Variants in ANKMY1 observed in about 807,000 individuals in gnomAD.
The protein encoded by ANKMY1 is ankyrin repeat and MYND domain-containing protein 1.
ANKMY1 carries 98 observed loss-of-function variants against 102.0 expected under a neutral mutation model. The observed-to-expected ratio is 0.96, with a 90% CI of 0.82 to 1.14. The LOEUF (loss-of-function observed/expected upper bound fraction) is 1.14. ANKMY1 is among the 50% of genes most tolerant of loss of function. ANKMY1 has a pLI of 0.00. For missense variants in ANKMY1, 1,330 were observed against 1,347.6 expected (o/e 0.99, Z 0.20); for synonymous variants, 582 against 559.9 (o/e 1.04, Z -0.56).
At chr2:240,505,936 A>G (rs1011127036) in intron 13 of ANKMY1, among the ~76,000 whole-genome samples, 1 of 152,136 alleles carries the variant, frequency 6.6e-6, no homozygotes, top group African/African-American at 2.4e-5. Context: ...AGGGAGGTTT[A>G]AAAAAAGGAG....
At chr2:240,482,384 G>T in intron 15 of ANKMY1, 123 bp from the exon 16 acceptor site, 1 of 828,918 alleles carries the variant, frequency 1.2e-6, no homozygotes. Context: ...CGGATAGGGG[G>T]AAGCAAGCCT....
rs2092164346 is a variant in ANKMY1, at chr2:240,555,194, C to T, written c.147-139G>A. On this transcript the variant is annotated intron_variant, in intron 2 of 17. Coordinates refer to ENST00000401804, the MANE Select transcript of ANKMY1 (RefSeq NM_001282771.3). ...GGGCAGGTGCCGCTGCATCCCCACT[C>T]CACTTGGAGAGAAAACCGAGGCACA... 3 of 874,830 alleles carry T rather than the reference C, an allele frequency of 3.4e-6. No homozygotes were observed. In the Admixed American group the frequency reaches 7.9e-5, roughly 23 times the overall value. 54.2% of individuals were successfully genotyped at this position (874,830 alleles called of 1,614,324 possible).
At chr2:240,555,713 G>C (rs2092268485) in intron 2 of ANKMY1, among the ~76,000 whole-genome samples, 2 of 151,986 alleles carry the variant, frequency 1.3e-5, no homozygotes, top group South Asian at 2.1e-4. Flanking sequence ...GACGGATGGG[G>C]CGTCTTAGAC....
intron 4 of ANKMY1, among the ~76,000 whole-genome samples, chr2:240,552,038 C>T (rs2091614245): frequency 6.6e-6 from 1 of 152,220 alleles, no homozygotes; most frequent in Non-Finnish European, 1.5e-5. Flanking sequence ...GTGACTGCTT[C>T]CTCACCCCTC....
chr2:240,544,895 C>T (rs373775254), intron 4 of ANKMY1, among the ~76,000 whole-genome samples: 4 of 152,240 alleles, frequency 2.6e-5, no homozygotes, highest in African/African-American at 9.6e-5. Context: ...GCACAGCAGT[C>T]TGAGATCAAA....
chr2:240,482,066 T>C lies in ANKMY1; in HGVS notation c.2885+117A>G, dbSNP rs902083144. The C allele has an allele frequency of 3.4e-6, 4 of 1,173,234 alleles. No individual in the cohort carries two copies. In the African/African-American group the frequency reaches 6.3e-5, roughly 18 times the overall value. The allele number at this position is 1,173,234 out of a possible 1,614,324, so 72.7% of individuals were successfully genotyped here. ...ACTTCCTAGAGGAGGCCATGCCACTTGGGGGTCAGATGGCATGGAGGCTGT... is the reference window on the plus strand; with the variant it reads ...ACTTCCTAGAGGAGGCCATGCCACTCGGGGGTCAGATGGCATGGAGGCTGT... On this transcript the variant is annotated intron_variant, in intron 16 of 17. Transcript: ENST00000401804.
chr2:240,474,448 A>C (rs1268778231), downstream of ANKMY1, among the ~76,000 whole-genome samples: 2 of 151,932 alleles, frequency 1.3e-5, no homozygotes, highest in Non-Finnish European at 2.9e-5. Context: ...TCAGGGGTAC[A>C]TGTGCAAGTT....
At chr2:240,545,264 G>C (rs1233246953) in intron 4 of ANKMY1, among the ~76,000 whole-genome samples, 7 of 152,162 alleles carry the variant, frequency 4.6e-5, no homozygotes, top group Admixed American at 1.3e-4. Context: ...ACACCTCACA[G>C]GGCCGGGTAC....
Position 240,537,990 on chromosome 2 carries a change from C to T in ANKMY1, c.481-8481G>A, listed in dbSNP as rs151002643. Among the ~76,000 whole-genome samples the T allele has an allele frequency of 7.7e-3, 1,177 of 152,352 alleles. 10 individuals are homozygous for T. The highest frequency in any genetic ancestry group is 0.026 in the African/African-American group (1,062 of 41,580). On this transcript the variant is annotated intron_variant, in intron 4 of 17. Transcript: ENST00000401804. ...TACATTGTCTTCCACCACGTGGCTG[C>T]GCTGGAGTCTCTCTGAATCTGCTGT...
Position 240,520,062 on chromosome 2 carries a change from C to T in ANKMY1, c.2004+300G>A. The T allele has an allele frequency of 3.4e-6, 2 of 589,040 alleles. No homozygotes were observed. The highest frequency in any genetic ancestry group is 6.6e-6 in the Non-Finnish European group (2 of 303,066). The allele number at this position is 589,040 out of a possible 1,614,324, so 36.5% of individuals were successfully genotyped here. ...GCCTCCTCCTGAATATAAGTCTCCC[C>T]TTTCCAAGGGGCCTTCAGGATGCGC... On this transcript the variant is annotated intron_variant, in intron 9 of 17. Coordinates refer to ENST00000401804, the MANE Select transcript of ANKMY1 (RefSeq NM_001282771.3). This position sits in a 1 kb window ranked among gnomAD's most constrained non-coding sequence, Gnocchi z 4.8.
rs753065902 is a variant in ANKMY1 at position 240,482,280 on chromosome 2, C to T, written c.2807-19G>A. 5.4e-5 allele frequency: 86 copies of T among 1,601,948 alleles called. No individual in the cohort carries two copies. The highest frequency in any genetic ancestry group is 1.6e-4 in the East Asian group (7 of 44,286). ...AGCTCCGCTGCATGAGAGAGGGTCC[C>T]GCATTAGTACCCACGTGGCAGGGTG... On this transcript the variant is annotated intron_variant, in intron 15 of 17. Coordinates refer to ENST00000401804, the MANE Select transcript of ANKMY1 (RefSeq NM_001282771.3).
intron 15 of ANKMY1, among the ~76,000 whole-genome samples, chr2:240,487,100 T>A (rs2076144668): frequency 6.6e-6 from 1 of 152,200 alleles, no homozygotes. Context: ...CTTTGTACCC[T>A]TTAAACCTCT....
intron 15 of ANKMY1, among the ~76,000 whole-genome samples, chr2:240,496,377 TAGATAGA>T (rs2077264558): frequency 6.6e-6 from 1 of 151,642 alleles, no homozygotes; most frequent in African/African-American, 2.4e-5. Context: ...GATAGATAGA[TAGATAGA>T]TAGATAGATA....
intron 13 of ANKMY1, among the ~76,000 whole-genome samples, chr2:240,500,874 T>C (rs1451243347): frequency 6.6e-6 from 1 of 152,220 alleles, no homozygotes; most frequent in Non-Finnish European, 1.5e-5. Flanking sequence ...GTGACATCCA[T>C]TACAGTCCTG....
chr2:240,556,316 C>A (rs1575396938), intron 2 of ANKMY1, among the ~76,000 whole-genome samples: 1 of 152,200 alleles, frequency 6.6e-6, no homozygotes, highest in South Asian at 2.1e-4. Context: ...CATCATGTTC[C>A]CATGCCCAGA....
chr2:240,480,976 C>T lies in ANKMY1; in HGVS notation c.3007G>A (p.Glu1003Lys), dbSNP rs773858255. Residue 1003 changes from glutamate to lysine, a missense_variant, in exon 17 of 18, where the codon GAG (glutamate) becomes AAG (lysine). Glu to Lys is a moderately conservative substitution (Grantham distance 56). Coordinates refer to ENST00000401804, the MANE Select transcript of ANKMY1 (RefSeq NM_001282771.3). ...TCCCCGCAGTCCTTCTTGTGGAACT[C>T]GGTCCAGGCCTTGGTCTTGCAGTAC... Reference protein sequence around the residue: ...SKYCKTKAWTEFHKKDCGDLV... With the variant: ...SKYCKTKAWTKFHKKDCGDLV... The T allele has an allele frequency of 4.4e-5, 71 of 1,612,906 alleles. No homozygotes were observed. The highest frequency in any genetic ancestry group is 5.3e-5 in the African/African-American group (4 of 74,940).
At chr2:240,525,632 C>T in intron 7 of ANKMY1, 53 bp downstream of exon 7, 2 of 1,579,582 alleles carry the variant, frequency 1.3e-6, no homozygotes, top group South Asian at 2.3e-5. Flanking sequence ...TTTACAGAGA[C>T]AGAGAAGACT....
In ANKMY1 at chr2:240,557,981, G is replaced by A; in HGVS notation, c.-118C>T. On this transcript the variant is annotated 5_prime_UTR_variant, in exon 1 of 18. Transcript: ENST00000401804. ...CCCGTCCCGACTGCTTGCCAGCCCT[G>A]CGCCTACGGAGAGCGTCGCGTTTCC... is the stretch of plus-strand genomic sequence containing the variant. 8.1e-6 allele frequency: 8 copies of A among 985,604 alleles called. No homozygotes were observed. The highest frequency in any genetic ancestry group is 9.6e-6 in the Non-Finnish European group (8 of 830,054). The allele number at this position is 985,604 out of a possible 1,614,324, so 61.1% of individuals were successfully genotyped here.
intron 12 of ANKMY1, among the ~76,000 whole-genome samples, chr2:240,508,065 G>T (rs949274307): frequency 3.9e-5 from 6 of 152,258 alleles, no homozygotes; most frequent in African/African-American, 1.4e-4. Flanking sequence ...CCAGCACAGG[G>T]TTAGGAGCAC....
Sources: allele counts gnomAD v4.1 joint callset (sites outside exome capture counted in the v4.1 genomes callset), GRCh38; gene constraint gnomAD v4.1.1; non-coding constraint Gnocchi (gnomAD v3.1); transcripts MANE v1.5; gene names NCBI Gene and HGNC (gene_info 2026-07-23, HGNC 2026-07-21).